The following SGCD variants were observed in gnomAD, a reference collection of about 807,000 sequenced individuals.
SGCD encodes the protein delta-sarcoglycan.
SGCD carries 18 observed loss-of-function variants against 36.6 expected under a neutral mutation model. The ratio of observed to expected loss-of-function variants is 0.49; its 90% CI spans 0.34 to 0.73. The LOEUF is 0.73. Among genes scored for constraint, SGCD ranks in the 30% least tolerant of loss-of-function variants. The pLI is 0.01. For synonymous variants in SGCD, 133 were observed against 130.6 expected (o/e 1.02, Z -0.12); for missense variants, 387 against 346.7 (o/e 1.12, Z -0.92).
At chr5:156,558,097 A>G (rs1279411735) in intron 4 of SGCD, among the ~76,000 whole-genome samples, 3 of 100,120 alleles carry the variant, frequency 3.0e-5, no homozygotes, top group African/African-American at 1.0e-4. Flanking sequence ...AAATATATAT[A>G]TATATATATA....
At chr5:156,402,472 G>A (rs1037346373) in intron 3 of SGCD, among the ~76,000 whole-genome samples, 4 of 149,604 alleles carry the variant, frequency 2.7e-5, no homozygotes, top group South Asian at 2.1e-4. Context: ...CAGACTGCTC[G>A]AAATGAGACA....
chr5:156,508,697 C>T lies in SGCD; in HGVS notation c.289C>T (p.Arg97Ter), dbSNP rs758700138. The T allele has an allele frequency of 6.3e-7, 1 of 1,575,052 alleles. No individual in the cohort carries two copies. Among genetic ancestry groups the T allele is most frequent in the South Asian group, 1.1e-5 (1 of 87,260 alleles). The change falls in exon 4 of 9, where the codon CGA (arginine) becomes TGA (stop). Residue 97 changes from arginine to a stop codon, truncating the protein, a stop_gained. Coordinates refer to ENST00000337851, the MANE Select transcript of SGCD (RefSeq NM_000337.6). LOFTEE classifies it high-confidence loss of function. Reference protein sequence around the residue: ...QPLYAKEIQSRPGNALYFKSA... With the variant: ...QPLYAKEIQS ...TCTCTACGCCAAAGAAATCCAGTCC[C>T]GACCAGTAAGTTTCTGCTGAGAGAA...
chr5:156,491,023 A>G (rs1046674229), intron 3 of SGCD, among the ~76,000 whole-genome samples: 4 of 152,138 alleles, frequency 2.6e-5, no homozygotes, highest in Non-Finnish European at 5.9e-5. Context: ...TACAAAAATT[A>G]GAAGTATTTC....
At chr5:156,752,130 A>T (rs1757167811) in intron 7 of SGCD, among the ~76,000 whole-genome samples, 2 of 152,238 alleles carry the variant, frequency 1.3e-5, no homozygotes, top group African/African-American at 2.4e-5. Flanking sequence ...CCTCAGAAAC[A>T]TCATATTGAG....
intron 1 of SGCD, among the ~76,000 whole-genome samples, chr5:156,080,309 A>C (rs1211491583): frequency 6.6e-6 from 1 of 152,198 alleles, no homozygotes; most frequent in East Asian, 1.9e-4. Context: ...GCTGTCTGGA[A>C]GATCTGTGAA....
chr5:156,598,110 C>T (rs763645456), intron 6 of SGCD, among the ~76,000 whole-genome samples: 8 of 152,236 alleles, frequency 5.3e-5, no homozygotes, highest in Non-Finnish European at 8.8e-5. Context: ...CGGTGCACTT[C>T]ACTACATGTA....
chr5:156,251,973 A>G (rs1187111619), intron 3 of SGCD, among the ~76,000 whole-genome samples: 1 of 152,214 alleles, frequency 6.6e-6, no homozygotes, highest in Non-Finnish European at 1.5e-5. Flanking sequence ...TCCTAAGCTT[A>G]ACTATAAACT....
At chr5:155,872,241 A>G (rs1755668983) in intron 1 of SGCD, among the ~76,000 whole-genome samples, 1 of 152,136 alleles carries the variant, frequency 6.6e-6, no homozygotes, top group East Asian at 1.9e-4. Flanking sequence ...GAGAATAAGA[A>G]TATCTACAGT....
the SGCD span, among the ~76,000 whole-genome samples, chr5:155,740,094 T>G: frequency 6.6e-6 from 1 of 152,182 alleles, no homozygotes. Context: ...TTGAATGACA[T>G]ATGTTTTTAT....
Position 156,236,749 on chromosome 5 carries a change from A to G in SGCD, c.-43-92785A>G, listed in dbSNP as rs564397603. 2.0e-5 allele frequency among the ~76,000 whole-genome samples: 3 copies of G among 147,272 alleles called. No homozygotes were observed. In the East Asian group the frequency reaches 6.3e-4, roughly 31 times the overall value. On this transcript the variant is annotated intron_variant, in intron 3 of 9. Transcript: ENST00000517913. ...AGGTGTGAGCCACTGTGCCTGGCCT[A>G]ATTTGTATACATTTGTTCTTAATGC...
chr5:156,667,317 G>A (rs114814659), intron 7 of SGCD, among the ~76,000 whole-genome samples: 1 of 152,108 alleles, frequency 6.6e-6, no homozygotes, highest in African/African-American at 2.4e-5. Flanking sequence ...GTAGGTACTT[G>A]GTATGTGGGG....
intron 7 of SGCD, among the ~76,000 whole-genome samples, chr5:156,667,323 TG>T (rs1753091035): frequency 6.6e-6 from 1 of 152,166 alleles, no homozygotes; most frequent in Non-Finnish European, 1.5e-5. Flanking sequence ...ACTTGGTATG[TG>T]GGGCAGTATG....
chr5:156,173,190 A>AT (rs1171095547), intron 3 of SGCD, among the ~76,000 whole-genome samples: 1 of 152,154 alleles, frequency 6.6e-6, no homozygotes, highest in Non-Finnish European at 1.5e-5. Flanking sequence ...ATGTGAATAG[A>AT]TTTTTTTAAA....
chr5:156,642,720 G>T (rs1227965317), intron 6 of SGCD, among the ~76,000 whole-genome samples: 10 of 151,924 alleles, frequency 6.6e-5, no homozygotes, highest in African/African-American at 2.4e-4. Context: ...GCCTGCCTCA[G>T]CCTCCCAAAG....
chr5:156,067,869 C>A (rs1193029626), intron 1 of SGCD, among the ~76,000 whole-genome samples: 1 of 132,752 alleles, frequency 7.5e-6, no homozygotes, highest in Admixed American at 7.0e-5. Flanking sequence ...GAACCCGGTA[C>A]CTCAGATGGA....
Position 156,507,560 on chromosome 5 carries a change from A to T in SGCD, c.193-1041A>T, listed in dbSNP as rs141381587. ...AAACTAATATACCCCATTTCCTAGG[A>T]TATAGTCTTTCTAGAAAATTGCATC... On this transcript the variant is annotated intron_variant, in intron 3 of 8. Transcript: ENST00000337851. Among the ~76,000 whole-genome samples the T allele has an allele frequency of 1.1e-3, 169 of 152,328 alleles. 1 individual carries two copies. The highest frequency in any genetic ancestry group is 3.6e-3 in the African/African-American group (148 of 41,564).
intron 3 of SGCD, among the ~76,000 whole-genome samples, chr5:156,478,521 T>G (rs1755289178): frequency 6.6e-6 from 1 of 152,142 alleles, no homozygotes; most frequent in African/African-American, 2.4e-5. Flanking sequence ...GTTTAAGCAG[T>G]TTGGGGGAAA....
intron 1 of SGCD, among the ~76,000 whole-genome samples, chr5:156,011,454 T>G (rs569519260): frequency 6.6e-6 from 1 of 152,268 alleles, no homozygotes; most frequent in Admixed American, 6.5e-5. Flanking sequence ...CTATTGTTTT[T>G]TTTTTTAGAT....
chr5:156,012,424 T>A (rs1359416005), intron 1 of SGCD, among the ~76,000 whole-genome samples: 2 of 152,192 alleles, frequency 1.3e-5, no homozygotes, highest in African/African-American at 4.8e-5. Context: ...TAGAATAATT[T>A]GAAAGATTCA....
Sources: allele counts gnomAD v4.1 joint callset (sites outside exome capture counted in the v4.1 genomes callset), GRCh38; gene constraint gnomAD v4.1.1; transcripts MANE v1.5; gene names NCBI Gene and HGNC (gene_info 2026-07-23, HGNC 2026-07-21).